NCOR1: variants seen among roughly 807,000 people sequenced by gnomAD.
NCOR1 encodes nuclear receptor corepressor 1, also known as protein phosphatase 1, regulatory subunit 109.
Under a neutral mutation model 288.1 loss-of-function variants are expected in NCOR1, and 63 were observed. The ratio of observed to expected loss-of-function variants is 0.22; its 90% confidence interval spans 0.18 to 0.27. The LOEUF (loss-of-function observed/expected upper bound fraction) is 0.27, where lower values mean the gene tolerates loss of function less well. Among genes scored for constraint, NCOR1 ranks in the 10% least tolerant of loss-of-function variants. NCOR1 has a pLI of 1.00. For synonymous variants in NCOR1, 1,007 were observed against 1,065.9 expected (o/e 0.94, Z 1.08); for missense variants, 2,397 against 3,019.2 (o/e 0.79, Z 4.83).
rs2061633237 is a variant in NCOR1 at position 16,070,589 on chromosome 17, CTA to C, written c.4153-66_4153-65del. 5.1e-6 allele frequency: 8 copies of C among 1,565,236 alleles called. No individual in the cohort carries two copies. The Middle Eastern group carries it at 8.6e-4, about 169-fold the overall frequency. On this transcript the variant is annotated intron_variant, in intron 30 of 45. Transcript: ENST00000268712. ...ATCTGGCTACTTTTCTATCTCAGGT[CTA>C]TGTCTGGCCCATGGCAGTTACAGTT... is the stretch of plus-strand genomic sequence containing the variant.
chr17:16,127,203 ATG>A (rs1485484384), intron 14 of NCOR1, among the ~76,000 whole-genome samples: 1 of 140,168 alleles, frequency 7.1e-6, no homozygotes, highest in African/African-American at 2.9e-5. Flanking sequence ...ATATACATGT[ATG>A]TATATATCTG....
intron 42 of NCOR1, chr17:16,045,113 A>G: frequency 3.6e-6 from 1 of 278,422 alleles, no homozygotes; most frequent in Non-Finnish European, 6.9e-6. Flanking sequence ...GAGTGCTGAG[A>G]GAACACGAGG....
intron 18 of NCOR1, among the ~76,000 whole-genome samples, 163 bp downstream of exon 18, chr17:16,117,725 A>G (rs1009508668): frequency 3.3e-5 from 5 of 152,150 alleles, no homozygotes; most frequent in Non-Finnish European, 5.9e-5. Context: ...CGGGAGGCTG[A>G]GGCAGGAAAT....
At chr17:16,046,458 G>A (rs2058670419) in intron 42 of NCOR1, among the ~76,000 whole-genome samples, 1 of 152,200 alleles carries the variant, frequency 6.6e-6, no homozygotes, top group Non-Finnish European at 1.5e-5. Context: ...TCGAAACCTA[G>A]TGAAAGGCTA....
chr17:16,141,397 T>C (rs754352054), intron 11 of NCOR1, among the ~76,000 whole-genome samples: 2 of 152,172 alleles, frequency 1.3e-5, no homozygotes, highest in Non-Finnish European at 2.9e-5. Flanking sequence ...TTGATCAGTA[T>C]AAGAACAATC....
chr17:16,108,523 G>A (rs946190143), intron 19 of NCOR1, among the ~76,000 whole-genome samples: 2 of 152,156 alleles, frequency 1.3e-5, no homozygotes, highest in Non-Finnish European at 2.9e-5. Flanking sequence ...CAATGACACA[G>A]ACACACAGGT....
At chr17:16,188,691 A>T (rs1414379571) in intron 2 of NCOR1, among the ~76,000 whole-genome samples, 7 of 152,098 alleles carry the variant, frequency 4.6e-5, no homozygotes, top group Non-Finnish European at 8.8e-5. Context: ...CAGTAAATAA[A>T]AGTAAAAAGG....
intron 45 of NCOR1, among the ~76,000 whole-genome samples, chr17:16,032,988 C>T (rs1181337298): frequency 6.6e-6 from 1 of 152,212 alleles, no homozygotes; most frequent in Non-Finnish European, 1.5e-5. Flanking sequence ...TTAATGAACA[C>T]TGCTACCCTT....
chr17:16,154,121 G>A (rs1289810668), intron 6 of NCOR1, among the ~76,000 whole-genome samples: 1 of 148,542 alleles, frequency 6.7e-6, no homozygotes, highest in Admixed American at 6.8e-5. Context: ...CAACTTCCTG[G>A]ACTCAAATAA....
intron 19 of NCOR1, among the ~76,000 whole-genome samples, chr17:16,107,520 C>T (rs182633361): frequency 3.5e-4 from 53 of 152,306 alleles, no homozygotes; most frequent in Non-Finnish European, 6.2e-4. Context: ...TGACCTTGCA[C>T]GTACAGCCTC....
chr17:16,117,514 G>GAAAAAAAA (rs34706253), intron 18 of NCOR1, among the ~76,000 whole-genome samples: 2 of 103,788 alleles, frequency 1.9e-5, no homozygotes, highest in Non-Finnish European at 1.9e-5. Flanking sequence ...CTGGAGCTCA[G>GAAAAAAAA]AAAAAAAAAA....
intron 3 of NCOR1, among the ~76,000 whole-genome samples, chr17:16,185,723 T>C (rs1332356389): frequency 6.8e-6 from 1 of 147,122 alleles, no homozygotes; most frequent in African/African-American, 2.5e-5. Flanking sequence ...TTAACTATTT[T>C]GGGAGGTAGG....
Position 16,058,475 on chromosome 17 carries a change from C to A in NCOR1, c.6006G>T (p.Ala2002=), listed in dbSNP as rs773358417. 1.2e-6 allele frequency: 2 copies of A among 1,611,082 alleles called. No individual in the cohort carries two copies. The highest frequency in any genetic ancestry group is 1.7e-6 in the Non-Finnish European group (2 of 1,179,224). ...YQPEVVKANQ[A]ENDPTRQYEG... is the part of the protein sequence containing the mutation. Reference sequence around the variant, plus strand: ...TGGTAGCTTAAGAAGACATACTTTCCGCTTGATTTGCCTTAACAACCTCTG... The same window carrying A: ...TGGTAGCTTAAGAAGACATACTTTCAGCTTGATTTGCCTTAACAACCTCTG... Residue 2002 remains alanine, a synonymous_variant, in exon 38 of 46, where the codon GCG becomes GCT. Transcript: ENST00000268712.
intron 2 of NCOR1, among the ~76,000 whole-genome samples, chr17:16,193,604 G>C (rs1389681468): frequency 6.6e-6 from 1 of 152,044 alleles, no homozygotes; most frequent in Admixed American, 6.6e-5. Flanking sequence ...ACTGGGGTAG[G>C]GGGACAACAC....
chr17:16,146,279 CAAG>C, intron 10 of NCOR1, 94 bp downstream of exon 10: 1 of 1,127,858 alleles, frequency 8.9e-7, no homozygotes, highest in Non-Finnish European at 1.2e-6. Flanking sequence ...GAGAAACACC[CAAG>C]AATGATCAAT....
chr17:16,080,611 T>G lies in NCOR1; in HGVS notation c.3294A>C (p.Lys1098Asn). Residue 1098 changes from lysine to asparagine, a missense_variant, in exon 24 of 46, where the codon AAA (lysine) becomes AAC (asparagine). By Grantham distance (94) the Lys-to-Asn change is moderately conservative. Coordinates refer to ENST00000268712, the MANE Select transcript of NCOR1 (RefSeq NM_006311.4). ...TGACTGTATTAACTCACTGACCTGA[T>G]TTGGCAGATTCCTGTTGCCGTGGCA... ...LGLPRQQESA[K>N]SATLPYIKQE... 6.2e-7 allele frequency: 1 copy of G among 1,614,124 alleles called. No homozygotes were observed. The highest frequency in any genetic ancestry group is 8.5e-7 in the Non-Finnish European group (1 of 1,179,990).
At chr17:16,058,448 A>T in intron 38 of NCOR1, 23 bp downstream of exon 38, 1 of 1,609,884 alleles carries the variant, frequency 6.2e-7, no homozygotes, top group Non-Finnish European at 8.5e-7. Context: ...AAAACATGTA[A>T]ATGGTAGCTT....
chr17:16,062,351 T>C (rs1194744196), intron 35 of NCOR1, 81 bp from the exon 36 acceptor site: 36 of 1,371,462 alleles, frequency 2.6e-5, no homozygotes, highest in Non-Finnish European at 3.1e-5. Flanking sequence ...ATGGATTGTT[T>C]ATTTCCTAAC....
At chr17:16,129,251 GAA>G (rs1036092636) in intron 14 of NCOR1, among the ~76,000 whole-genome samples, 45 of 152,210 alleles carry the variant, frequency 3.0e-4, no homozygotes, top group Admixed American at 3.9e-4. Flanking sequence ...CCTAAAATCA[GAA>G]AGTCTTCTCT....
Sources: gnomAD v4.1 joint callset for allele counts (sites outside exome capture counted in the v4.1 genomes callset) on GRCh38, gnomAD v4.1.1 for gene constraint, MANE v1.5 for transcripts, NCBI Gene and HGNC (gene_info 2026-07-23, HGNC 2026-07-21) for gene names.